Variants in NRG3 observed in about 807,000 individuals in gnomAD.
NRG3 encodes the protein pro-neuregulin-3, membrane-bound isoform.
NRG3 carries 31 observed loss-of-function variants against 66.9 expected under a neutral mutation model. The ratio of observed to expected loss-of-function variants is 0.46; its 90% CI spans 0.35 to 0.63. The LOEUF (loss-of-function observed/expected upper bound fraction) is 0.63, where lower values mean the gene tolerates loss of function less well. NRG3 is among the 20% of genes least tolerant of loss of function. The pLI, the probability that NRG3 is intolerant of heterozygous loss-of-function variation, is 0.00. For synonymous variants in NRG3, 393 were observed against 359.4 expected (o/e 1.09, Z -1.06); for missense variants, 910 against 878.9 (o/e 1.04, Z -0.45).
In NRG3 at chr10:82,586,705, T is replaced by C. The variant is rs1332015551; in HGVS notation, c.954-151872T>C. ...TTCTATTCACCATCTTTATTTTATC[T>C]TGTGTTTAGTTGCTTTTGAAATTAG... On this transcript the variant is annotated intron_variant, in intron 2 of 8. Coordinates refer to ENST00000372141, the MANE Select transcript of NRG3 (RefSeq NM_001010848.4). Among the ~76,000 whole-genome samples the C allele has an allele frequency of 2.6e-5, 4 of 152,200 alleles. No individual in the cohort carries two copies. The East Asian group carries it at 7.7e-4, about 29-fold the overall frequency.
At chr10:82,161,311 G>T (rs2132949182) in intron 1 of NRG3, among the ~76,000 whole-genome samples, 1 of 152,178 alleles carries the variant, frequency 6.6e-6, no homozygotes, top group South Asian at 2.1e-4. Flanking sequence ...GTCTGCTATT[G>T]CAGGGTGCAC....
At chr10:82,762,495 A>G (rs2059369454) in intron 3 of NRG3, among the ~76,000 whole-genome samples, 1 of 152,332 alleles carries the variant, frequency 6.6e-6, no homozygotes, top group East Asian at 1.9e-4. Flanking sequence ...CAAATGATAC[A>G]TGAAATCTGA....
intron 1 of NRG3, among the ~76,000 whole-genome samples, chr10:82,350,469 A>T (rs748085418): frequency 1.2e-4 from 18 of 152,238 alleles, no homozygotes; most frequent in Non-Finnish European, 2.2e-4. Context: ...ACTGCAATTC[A>T]GAGTGATCAT....
At chr10:81,948,936 G>C (rs1340673728) in intron 1 of NRG3, among the ~76,000 whole-genome samples, 1 of 152,172 alleles carries the variant, frequency 6.6e-6, no homozygotes, top group Admixed American at 6.6e-5. Flanking sequence ...CAAGGGTAAA[G>C]GGACATGGGG....
At chr10:82,631,386 C>T (rs1422969339) in intron 2 of NRG3, among the ~76,000 whole-genome samples, 1 of 152,114 alleles carries the variant, frequency 6.6e-6, no homozygotes, top group African/African-American at 2.4e-5. Context: ...ATTTGCCATG[C>T]CCATCGTCTC....
At chr10:81,913,553 A>G (rs181036016) in intron 1 of NRG3, among the ~76,000 whole-genome samples, 2 of 151,830 alleles carry the variant, frequency 1.3e-5, no homozygotes, top group Non-Finnish European at 2.9e-5. Context: ...CCTCCCAAGT[A>G]GCTGGGATTA....
chr10:82,402,104 GAA>G (rs771156164), intron 2 of NRG3, among the ~76,000 whole-genome samples: 1 of 151,882 alleles, frequency 6.6e-6, no homozygotes, highest in Non-Finnish European at 1.5e-5. Context: ...TCTTTAGAAA[GAA>G]AGCATTTGAA....
At chr10:82,917,943 T>C (rs1021427490) in intron 4 of NRG3, among the ~76,000 whole-genome samples, 5 of 140,996 alleles carry the variant, frequency 3.5e-5, no homozygotes, top group Non-Finnish European at 7.6e-5. Context: ...CCTGTGTGTA[T>C]GTGGGATTGT....
chr10:82,012,710 A>G (rs1040745836), intron 1 of NRG3, among the ~76,000 whole-genome samples: 1 of 152,134 alleles, frequency 6.6e-6, no homozygotes, highest in Non-Finnish European at 1.5e-5. Flanking sequence ...CCTAAATTAT[A>G]TCTTTCAAGT....
chr10:82,940,918 CTCAAATAAGG>C (rs762037698), intron 4 of NRG3, among the ~76,000 whole-genome samples: 45 of 152,166 alleles, frequency 3.0e-4, no homozygotes, highest in Non-Finnish European at 5.7e-4. Context: ...AGACGCTATA[CTCAAATAAGG>C]TCATATGCAT....
At chr10:82,263,815 T>G (rs905247327) in intron 1 of NRG3, among the ~76,000 whole-genome samples, 2 of 152,182 alleles carry the variant, frequency 1.3e-5, no homozygotes, top group African/African-American at 4.8e-5. Flanking sequence ...AACACCAAAA[T>G]TTTTGCTAAA....
Position 82,175,584 on chromosome 10 carries a change from A to T in NRG3, c.824-183155A>T, listed in dbSNP as rs189187544. On this transcript the variant is annotated intron_variant, in intron 1 of 8. Transcript: ENST00000372141. The stretch of plus-strand genomic sequence containing the variant: ...ATTTTCAAGACTCAGTTCTGAAGGC[A>T]TCCACAATTTGCTCTGGGAAAATTA... 3.3e-3 allele frequency among the ~76,000 whole-genome samples: 505 copies of T among 152,346 alleles called. 2 individuals carry two copies. The highest frequency in any genetic ancestry group is 0.012 in the African/African-American group (482 of 41,584).
At chr10:82,079,033 A>G (rs939530568) in intron 1 of NRG3, among the ~76,000 whole-genome samples, 2 of 152,100 alleles carry the variant, frequency 1.3e-5, no homozygotes, top group Non-Finnish European at 2.9e-5. Context: ...GTATTAATTA[A>G]TGAATTCTTT....
intron 1 of NRG3, among the ~76,000 whole-genome samples, chr10:82,060,673 C>G (rs2064094381): frequency 6.6e-6 from 1 of 152,112 alleles, no homozygotes; most frequent in South Asian, 2.1e-4. Flanking sequence ...TATTGTCCAC[C>G]TGGGTTTCCT....
intron 2 of NRG3, among the ~76,000 whole-genome samples, chr10:82,548,815 A>C (rs1376206344): frequency 1.3e-5 from 2 of 152,192 alleles, no homozygotes; most frequent in Non-Finnish European, 2.9e-5. Context: ...CACAGGCAGA[A>C]AGCAGAAAAG....
At chr10:82,584,307 A>G (rs1206423127) in intron 2 of NRG3, among the ~76,000 whole-genome samples, 1 of 152,020 alleles carries the variant, frequency 6.6e-6, no homozygotes, top group Non-Finnish European at 1.5e-5. Flanking sequence ...GCTGGTCTTG[A>G]ATTTGTGACC....
At chr10:82,984,070 T>A (rs1485033051) in intron 8 of NRG3, among the ~76,000 whole-genome samples, 1 of 152,238 alleles carries the variant, frequency 6.6e-6, no homozygotes, top group Non-Finnish European at 1.5e-5. Context: ...ATTTATTGTA[T>A]GGAAGGTTGA....
chr10:82,016,716 A>T (rs960342754), intron 1 of NRG3, among the ~76,000 whole-genome samples: 3 of 152,152 alleles, frequency 2.0e-5, no homozygotes, highest in Non-Finnish European at 4.4e-5. Flanking sequence ...AGGCAAAGAC[A>T]TGGAAGATAA....
chr10:82,005,609 T>C (rs2061347638), intron 1 of NRG3, among the ~76,000 whole-genome samples: 1 of 152,178 alleles, frequency 6.6e-6, no homozygotes, highest in Non-Finnish European at 1.5e-5. Flanking sequence ...AAGTGAATGA[T>C]ACCAGTAAAG....
Sources: gnomAD v4.1 joint callset for allele counts (sites outside exome capture counted in the v4.1 genomes callset) on GRCh38, gnomAD v4.1.1 for gene constraint, MANE v1.5 for transcripts, NCBI Gene and HGNC (gene_info 2026-07-23, HGNC 2026-07-21) for gene names.